The following SLC4A8 variants were observed in gnomAD, a reference collection of about 807,000 sequenced individuals.
SLC4A8 encodes solute carrier family 4 member 8.
In SLC4A8, 40 loss-of-function variants were observed where a neutral mutation model predicts 125.0. The ratio of observed to expected loss-of-function variants is 0.32; its 90% CI spans 0.25 to 0.42. SLC4A8 has a LOEUF of 0.42. SLC4A8 is among the 10% of genes least tolerant of loss of function. SLC4A8 has a pLI of 1.00. For synonymous variants in SLC4A8, 456 were observed against 476.0 expected (o/e 0.96, Z 0.55); for missense variants, 863 against 1,355.1 (o/e 0.64, Z 5.70).
At chr12:51,425,664 G>A (rs1032967188) in intron 1 of SLC4A8, among the ~76,000 whole-genome samples, 2 of 152,156 alleles carry the variant, frequency 1.3e-5, no homozygotes, top group Non-Finnish European at 2.9e-5. Context: ...CCAAGGTTAA[G>A]TAACTGGTAT....
At chr12:51,497,249 C>A (rs1951487120) in intron 22 of SLC4A8, 125 bp downstream of exon 22, 5 of 1,035,904 alleles carry the variant, frequency 4.8e-6, no homozygotes, top group Non-Finnish European at 7.0e-6. Context: ...AAGATTACCC[C>A]CAAAGATGTT....
intron 1 of SLC4A8, among the ~76,000 whole-genome samples, chr12:51,432,654 CAG>C (rs1370572666): frequency 6.6e-6 from 1 of 151,930 alleles, no homozygotes; most frequent in Non-Finnish European, 1.5e-5. Flanking sequence ...ACCCAGGAGA[CAG>C]AGGTTGCGAT....
Position 51,514,777 on chromosome 12 carries a change from A to C in SLC4A8, c.*7339A>C, listed in dbSNP as rs1938476270. 1 of 152,216 alleles carries C rather than the reference A, an allele frequency of 6.6e-6. No individual in the cohort carries two copies. The highest frequency in any genetic ancestry group is 6.5e-5 in the Admixed American group (1 of 15,278). 9.4% of individuals were successfully genotyped at this position (152,216 alleles called of 1,614,324 possible). A position where few individuals can be genotyped will look rare whatever the true frequency, so the allele number is the denominator to read the frequency against. ...TTGAGTCAGTTAACATCTTTTCATCAGAAAGGAGGGTAATATTCATAACCA... is the reference window on the plus strand; with the variant it reads ...TTGAGTCAGTTAACATCTTTTCATCCGAAAGGAGGGTAATATTCATAACCA... On this transcript the variant is annotated 3_prime_UTR_variant, in exon 25 of 25. Transcript: ENST00000453097.
At chr12:51,477,778 G>A (rs1950896107) in intron 16 of SLC4A8, among the ~76,000 whole-genome samples, 1 of 152,114 alleles carries the variant, frequency 6.6e-6, no homozygotes. Flanking sequence ...ATCGCCTCCT[G>A]ATTTGACTTC....
rs142678981 is a variant in SLC4A8, at chr12:51,453,160, C to A, written c.414-379C>A. 7.7e-3 allele frequency among the ~76,000 whole-genome samples: 1,178 copies of A among 152,130 alleles called. 14 individuals are homozygous for A. The highest frequency in any genetic ancestry group is 0.028 in the African/African-American group (1,141 of 41,486). On this transcript the variant is annotated intron_variant, in intron 4 of 24. Transcript: ENST00000453097. ...TGTATCCAAATGATATAGATTAAAT[C>A]TATTTTTTTAATTGTACAGGTAATG... is the stretch of plus-strand genomic sequence containing the variant.
chr12:51,458,464 TGCAGGAGAAG>T (rs1950223453), intron 6 of SLC4A8, 85 bp from the exon 7 acceptor site: 3 of 824,556 alleles, frequency 3.6e-6, no homozygotes, highest in Non-Finnish European at 6.2e-6. Flanking sequence ...AGATAGGCTT[TGCAGGAGAAG>T]GCAGAACCAA....
At chr12:51,399,642 T>A (rs1017118583) in intron 1 of SLC4A8, among the ~76,000 whole-genome samples, 1 of 152,186 alleles carries the variant, frequency 6.6e-6, no homozygotes, top group Non-Finnish European at 1.5e-5. Context: ...GAGTGAGACC[T>A]GGGTTGAATC....
intron 24 of SLC4A8, 70 bp downstream of exon 24, chr12:51,506,000 A>G: frequency 1.3e-6 from 1 of 743,988 alleles, no homozygotes; most frequent in East Asian, 2.7e-5. Flanking sequence ...TGAAGGTAAA[A>G]TGTGTTTTAG....
chr12:51,504,990 A>G (rs1224685731), intron 23 of SLC4A8, among the ~76,000 whole-genome samples: 1 of 152,242 alleles, frequency 6.6e-6, no homozygotes, highest in Admixed American at 6.5e-5. Flanking sequence ...TATCTGGGTC[A>G]TTGAGATTCT....
chr12:51,421,640 G>A (rs900252386), upstream of SLC4A8, among the ~76,000 whole-genome samples: 1 of 152,122 alleles, frequency 6.6e-6, no homozygotes, highest in African/African-American at 2.4e-5. Context: ...TGGGGGATGT[G>A]GGCACATCTT....
chr12:51,404,218 T>C (rs75922918), intron 1 of SLC4A8, among the ~76,000 whole-genome samples: 4,200 of 152,128 alleles, frequency 0.028, 197 homozygotes, highest in African/African-American at 0.094. Context: ...GAGCATAAAA[T>C]TGTCAGTCTG....
intron 19 of SLC4A8, 46 bp downstream of exon 19, chr12:51,489,997 G>A: frequency 6.3e-7 from 1 of 1,585,748 alleles, no homozygotes; most frequent in Non-Finnish European, 8.6e-7. Context: ...GGCCTGATTT[G>A]TGCCAGGAAT....
intron 22 of SLC4A8, among the ~76,000 whole-genome samples, chr12:51,501,278 A>T (rs1322218215): frequency 1.3e-5 from 2 of 152,166 alleles, no homozygotes. Context: ...TGAACATAGT[A>T]CCCCATAGGT....
intron 2 of SLC4A8, among the ~76,000 whole-genome samples, chr12:51,443,080 A>G (rs1315387240): frequency 6.6e-6 from 1 of 152,074 alleles, no homozygotes; most frequent in Non-Finnish European, 1.5e-5. Context: ...TTATTTATTT[A>G]TATTAAACAA....
At position 51,452,162 on chromosome 12, in the gene SLC4A8, G is replaced by A. The variant is rs749210596; in HGVS notation, c.316G>A (p.Glu106Lys). 4 of 1,614,124 alleles carry A rather than the reference G, an allele frequency of 2.5e-6. No individual in the cohort carries two copies. Among genetic ancestry groups the A allele is most frequent in the Non-Finnish European group, 2.5e-6 (3 of 1,179,984 alleles). The change falls in exon 4 of 25, where the codon GAG becomes AAG. Residue 106 changes from glutamate (E) to lysine (K), a missense_variant. Physicochemically the swap from Glu to Lys is moderately conservative, Grantham distance 56 (BLOSUM62 1). Around this residue, in one of 6 missense-constraint regions of SLC4A8, gnomAD observed 390 missense variants for 634.4 expected, o/e 0.61. Coordinates refer to ENST00000453097, the MANE Select transcript of SLC4A8 (RefSeq NM_001039960.3). ...GCGTGTTCAGTTCATTCTTGGCACC[G>A]AGGAAGATGAAGAGCATGTGCCTCA... ...SQRVQFILGT[E>K]EDEEHVPHEL... is the part of the protein sequence containing the mutation.
upstream of SLC4A8, among the ~76,000 whole-genome samples, chr12:51,420,889 G>C (rs1241218093): frequency 6.6e-6 from 1 of 152,112 alleles, no homozygotes; most frequent in African/African-American, 2.4e-5. Flanking sequence ...GTGTGCCCTG[G>C]GGAAGTTACC....
At chr12:51,430,302 C>A (rs1484170948) in intron 1 of SLC4A8, among the ~76,000 whole-genome samples, 1 of 152,086 alleles carries the variant, frequency 6.6e-6, no homozygotes, top group Non-Finnish European at 1.5e-5. Context: ...GACTGTGGCA[C>A]ATGTTGGAGC....
At chr12:51,418,000 G>A (rs1227728053) in intron 1 of SLC4A8, among the ~76,000 whole-genome samples, 1 of 152,158 alleles carries the variant, frequency 6.6e-6, no homozygotes, top group Non-Finnish European at 1.5e-5. Flanking sequence ...CAGACTCCTG[G>A]CAGTCTGGAA....
chr12:51,447,249 ATT>A (rs879841219), intron 2 of SLC4A8, among the ~76,000 whole-genome samples: 2 of 144,390 alleles, frequency 1.4e-5, no homozygotes, highest in Admixed American at 6.9e-5. Flanking sequence ...CACCTGTCTA[ATT>A]TTTTTTTTTT....
Sources: gnomAD v4.1 joint callset for allele counts (sites outside exome capture counted in the v4.1 genomes callset) on GRCh38, gnomAD v4.1.1 for gene constraint, gnomAD v4.1.1 regional missense constraint, MANE v1.5 for transcripts, NCBI Gene and HGNC (gene_info 2026-07-23, HGNC 2026-07-21) for gene names.